KLF8: variants seen among roughly 807,000 people sequenced by gnomAD.
KLF8 encodes the protein KLF transcription factor 8.
In KLF8, 10 loss-of-function variants were observed where a neutral mutation model predicts 18.2. That is an observed-to-expected ratio of 0.55 (90% CI 0.34 to 0.93). The LOEUF (loss-of-function observed/expected upper bound fraction) is 0.93. KLF8 is among the 40% of genes least tolerant of loss of function. KLF8 has a pLI of 0.02. For missense variants in KLF8, 264 were observed against 277.9 expected (o/e 0.95, Z 0.36); for synonymous variants, 109 against 97.3 (o/e 1.12, Z -0.71).
At chrX:55,946,911 G>T in the KLF8 span, among the ~76,000 whole-genome samples, 1 of 111,918 alleles carries the variant, frequency 8.9e-6, no homozygotes, top group East Asian at 2.8e-4. Flanking sequence ...GGCCATCAGA[G>T]AAATGCAAAT....
chrX:55,943,183 G>C, the KLF8 span, among the ~76,000 whole-genome samples: 1 of 111,083 alleles, frequency 9.0e-6, no homozygotes, highest in African/African-American at 3.3e-5. Flanking sequence ...AAGAAGGGGA[G>C]TGAATTTTGG....
At chrX:55,969,215 G>A in the KLF8 span, among the ~76,000 whole-genome samples, 45 of 111,815 alleles carry the variant, frequency 4.0e-4, no homozygotes, top group African/African-American at 1.4e-3. Flanking sequence ...CTACAAATGT[G>A]TCTTAAAACA....
the KLF8 span, among the ~76,000 whole-genome samples, chrX:56,164,031 C>T: frequency 9.0e-6 from 1 of 111,572 alleles, no homozygotes; most frequent in Non-Finnish European, 1.9e-5. Context: ...AGTGCAATGC[C>T]TCCAGCTTTG....
Position 56,265,548 on chromosome X carries a change from C to A in KLF8, c.450C>A (p.Ser150Arg), listed in dbSNP as rs1433771646. 2 of 1,211,167 alleles carry A rather than the reference C, an allele frequency of 1.7e-6. No homozygotes were observed. The highest frequency in any genetic ancestry group is 4.3e-5 in the Admixed American group (2 of 46,008). The change falls in exon 3 of 6, where the codon AGC (serine) becomes AGA (arginine). Residue 150 changes from serine (S) to arginine (R), a missense_variant. By Grantham distance (110) the Ser-to-Arg change is moderately radical. Transcript: ENST00000468660. ...GCTCTGTCCTGACCTCCTCTCAGAGCACTGGTAGCCAGCAGATCTTACATG... is the reference window on the plus strand; with the variant it reads ...GCTCTGTCCTGACCTCCTCTCAGAGAACTGGTAGCCAGCAGATCTTACATG... ...TPGSVLTSSQ[S>R]TGSQQILHVI...
the KLF8 span, among the ~76,000 whole-genome samples, chrX:56,153,618 TAGGAAAAG>T: frequency 9.0e-6 from 1 of 111,139 alleles, no homozygotes; most frequent in African/African-American, 3.3e-5. Context: ...GGTATTCAAT[TAGGAAAAG>T]AGGAAGTCAA....
At chrX:56,213,314 CT>C in the KLF8 span, among the ~76,000 whole-genome samples, 107 of 12,002 alleles carry the variant, frequency 8.9e-3, no homozygotes, top group Non-Finnish European at 0.012. Flanking sequence ...CTTTTCTTTT[CT>C]TTTTTTTTTT....
the KLF8 span, among the ~76,000 whole-genome samples, chrX:56,169,174 C>T: frequency 9.0e-6 from 1 of 111,191 alleles, no homozygotes; most frequent in East Asian, 2.8e-4. Flanking sequence ...GCCCTTGATC[C>T]ATGAATAATC....
chrX:56,094,925 G>A, the KLF8 span, among the ~76,000 whole-genome samples: 2 of 111,177 alleles, frequency 1.8e-5, no homozygotes, highest in Non-Finnish European at 3.8e-5. Flanking sequence ...AAATGATCAT[G>A]CTGCCCAAAG....
intron 2 of KLF8, among the ~76,000 whole-genome samples, chrX:56,252,189 T>G (rs192490124): frequency 2.5e-4 from 28 of 111,189 alleles, no homozygotes; most frequent in African/African-American, 9.2e-4. Flanking sequence ...ATTGTTTGTA[T>G]TTTTAGTAGA....
the KLF8 span, among the ~76,000 whole-genome samples, chrX:56,044,736 G>T: frequency 8.9e-6 from 1 of 111,992 alleles, no homozygotes; most frequent in Non-Finnish European, 1.9e-5. Flanking sequence ...CCCATCTCAG[G>T]TAGACTCCAA....
At chrX:55,955,588 T>C in the KLF8 span, among the ~76,000 whole-genome samples, 3 of 111,492 alleles carry the variant, frequency 2.7e-5, no homozygotes, top group African/African-American at 9.8e-5. Flanking sequence ...ACAAAAAATG[T>C]TTTATGGGAG....
chrX:56,000,860 C>A, the KLF8 span, among the ~76,000 whole-genome samples: 1 of 110,748 alleles, frequency 9.0e-6, no homozygotes, highest in Admixed American at 9.7e-5. Context: ...GACATTGTTT[C>A]CTTTGCATGT....
chrX:56,181,811 A>T, the KLF8 span, among the ~76,000 whole-genome samples: 2 of 94,249 alleles, frequency 2.1e-5, no homozygotes, highest in Non-Finnish European at 2.0e-5. Context: ...TGGCTTGTAG[A>T]GTTTCTGCCA....
At chrX:56,198,772 G>T in the KLF8 span, among the ~76,000 whole-genome samples, 2 of 111,815 alleles carry the variant, frequency 1.8e-5, no homozygotes, top group African/African-American at 6.5e-5. Context: ...AAAAGAGCCT[G>T]CATTGCCAAG....
Position 56,233,029 on chromosome X carries a change from G to T in KLF8, c.-306G>T. 1 of 339,390 alleles carries T rather than the reference G, an allele frequency of 2.9e-6. No individual in the cohort carries two copies. The highest frequency in any genetic ancestry group is 5.2e-6 in the Non-Finnish European group (1 of 191,043). The allele number at this position is 339,390 out of a possible 1,213,427, so 28.0% of individuals were successfully genotyped here. ...GCTGCAGGGGGGAGGATTCTTTTTA[G>T]GAAGTCTACTCTGCCGGCCCCTGAT... is the stretch of plus-strand genomic sequence containing the variant. On this transcript the variant is annotated 5_prime_UTR_variant, in exon 1 of 6. It adds an upstream start codon to the 5' untranslated region. Coordinates refer to ENST00000468660, the MANE Select transcript of KLF8 (RefSeq NM_007250.5).
the KLF8 span, among the ~76,000 whole-genome samples, chrX:56,080,952 GCTTCTGCATT>G: frequency 4.5e-5 from 5 of 110,755 alleles, no homozygotes; most frequent in African/African-American, 1.6e-4. Flanking sequence ...GGCTCCTGAG[GCTTCTGCATT>G]CTTCACGTAG....
At chrX:55,924,208 T>A in the KLF8 span, among the ~76,000 whole-genome samples, 1 of 111,071 alleles carries the variant, frequency 9.0e-6, no homozygotes, top group Non-Finnish European at 1.9e-5. Context: ...TAGCTAAGAC[T>A]ACAGGTGCCC....
chrX:55,910,854 A>G, the KLF8 span, among the ~76,000 whole-genome samples: 2 of 112,157 alleles, frequency 1.8e-5, no homozygotes, highest in African/African-American at 6.5e-5. Flanking sequence ...AATACAATTT[A>G]ATTTCATACC....
chrX:56,138,191 A>G, the KLF8 span, among the ~76,000 whole-genome samples: 2 of 111,172 alleles, frequency 1.8e-5, no homozygotes, highest in Admixed American at 1.9e-4. Flanking sequence ...AGTAATAAAA[A>G]GTGTACAAAC....
Sources: gnomAD v4.1 joint callset for allele counts (sites outside exome capture counted in the v4.1 genomes callset) on GRCh38, gnomAD v4.1.1 for gene constraint, MANE v1.5 for transcripts, NCBI Gene and HGNC (gene_info 2026-07-23, HGNC 2026-07-21) for gene names.